The following NLRP5 variants were observed in gnomAD, a reference collection of about 807,000 sequenced individuals.
The protein encoded by NLRP5 is NACHT, LRR and PYD domains-containing protein 5.
A neutral mutation model predicts 113.1 loss-of-function variants in NLRP5; 93 were observed. The observed-to-expected ratio is 0.82, with a 90% CI of 0.70 to 0.98. NLRP5 has a LOEUF of 0.98. Among genes scored for constraint, NLRP5 ranks in the 50% least tolerant of loss-of-function variants. NLRP5 has a pLI of 0.00. For missense variants in NLRP5, 1,808 were observed against 1,514.3 expected (o/e 1.19, Z -3.22); for synonymous variants, 751 against 600.7 (o/e 1.25, Z -3.66).
At chr19:56,053,437 C>T (rs933628604) in intron 12 of NLRP5, among the ~76,000 whole-genome samples, 1 of 152,124 alleles carries the variant, frequency 6.6e-6, no homozygotes, top group African/African-American at 2.4e-5. Flanking sequence ...TTCAATCACA[C>T]CAGACACTTT....
chr19:55,993,182 C>T, the NLRP5 span, among the ~76,000 whole-genome samples: 1 of 151,756 alleles, frequency 6.6e-6, no homozygotes, highest in Admixed American at 6.6e-5. Flanking sequence ...TACAATGTAT[C>T]ATGATCAAAT....
At chr19:56,006,354 A>G (rs1261051103) in intron 2 of NLRP5, among the ~76,000 whole-genome samples, 2 of 152,192 alleles carry the variant, frequency 1.3e-5, no homozygotes, top group South Asian at 2.1e-4. Context: ...CAGCACACCA[A>G]CATAGCACAT....
At position 56,015,759 on chromosome 19, in the gene NLRP5, C is replaced by T; in HGVS notation, c.526C>T (p.Gln176Ter). 6.4e-7 allele frequency: 1 copy of T among 1,571,768 alleles called. No individual in the cohort carries two copies. The highest frequency in any genetic ancestry group is 1.2e-5 in the South Asian group (1 of 84,942). Residue 176 changes from glutamine (Q) to a stop codon, truncating the protein, a stop_gained, in exon 4 of 15, where the codon CAA becomes TAA. Transcript: ENST00000390649. LOFTEE classifies it high-confidence loss of function. ...TTTTGCAGGAATTTCACAAGCTGTG[C>T]AACAAGATAGTGCCACAGCTGCAGA... is the stretch of plus-strand genomic sequence containing the variant.
Position 56,007,594 on chromosome 19 carries a change from C to T in NLRP5, c.443-1194C>T, listed in dbSNP as rs562649335. Among the ~76,000 whole-genome samples, 4 of 150,956 alleles carry T rather than the reference C, an allele frequency of 2.6e-5. No individual in the cohort carries two copies. In the South Asian group the frequency reaches 8.3e-4, roughly 31 times the overall value. On this transcript the variant is annotated intron_variant, in intron 2 of 14. Transcript: ENST00000390649. ...TGAGCAGGAGGTGAAGACGGAGGGA[C>T]TAGAAGTCAGATAACATGGCATCTT...
chr19:56,038,958 G>T (rs1048129740), intron 10 of NLRP5, among the ~76,000 whole-genome samples: 1 of 152,140 alleles, frequency 6.6e-6, no homozygotes, highest in Non-Finnish European at 1.5e-5. Context: ...CTACAGGTGT[G>T]AGCCACCATG....
At chr19:56,020,860 C>G (rs895766278) in intron 6 of NLRP5, among the ~76,000 whole-genome samples, 2 of 149,342 alleles carry the variant, frequency 1.3e-5, no homozygotes, top group Non-Finnish European at 3.0e-5. Flanking sequence ...AAAAACATGT[C>G]TTGCCTTCGT....
At chr19:56,037,245 C>T (rs971175542) in intron 9 of NLRP5, among the ~76,000 whole-genome samples, 4 of 152,120 alleles carry the variant, frequency 2.6e-5, no homozygotes, top group African/African-American at 9.7e-5. Context: ...GAAGCTCGTG[C>T]CCTTCAGCAA....
rs926215671 is a variant in NLRP5, at chr19:56,021,026, C to A, written c.679+595C>A. Among the ~76,000 whole-genome samples the A allele has an allele frequency of 2.0e-5, 3 of 151,884 alleles. No homozygotes were observed. The South Asian group carries it at 6.2e-4, about 32-fold the overall frequency. On this transcript the variant is annotated intron_variant, in intron 6 of 14. Transcript: ENST00000390649. Reference sequence around the variant, plus strand: ...GTAGCTGGGATTACAGGCCTGCCACCATGCCCGACTAATTTTTGTATTTTT... The same window carrying A: ...GTAGCTGGGATTACAGGCCTGCCACAATGCCCGACTAATTTTTGTATTTTT...
intron 6 of NLRP5, among the ~76,000 whole-genome samples, chr19:56,022,072 G>T (rs1388967011): frequency 6.6e-6 from 1 of 152,168 alleles, no homozygotes; most frequent in Non-Finnish European, 1.5e-5. Context: ...ACTAATGGTT[G>T]CCAGTGTTGT....
chr19:56,046,365 A>C (rs932658345), intron 11 of NLRP5, among the ~76,000 whole-genome samples: 8 of 147,952 alleles, frequency 5.4e-5, no homozygotes, highest in African/African-American at 2.0e-4. Context: ...GGATTTTAGC[A>C]TCTATGTTCA....
At chr19:56,059,938 G>A (rs561120869) in intron 14 of NLRP5, among the ~76,000 whole-genome samples, 2 of 152,270 alleles carry the variant, frequency 1.3e-5, no homozygotes, top group South Asian at 4.1e-4. Context: ...ATGGCACATG[G>A]GTATAACCAG....
intron 13 of NLRP5, among the ~76,000 whole-genome samples, chr19:56,055,775 G>T (rs1371582804): frequency 6.6e-6 from 1 of 151,354 alleles, no homozygotes; most frequent in Non-Finnish European, 1.5e-5. Context: ...TCAATCTCCT[G>T]ACCTCATGAT....
chr19:56,019,514 T>A, intron 5 of NLRP5, 116 bp downstream of exon 5: 1 of 1,229,462 alleles, frequency 8.1e-7, no homozygotes, highest in South Asian at 1.4e-5. Flanking sequence ...TTCATTCTCA[T>A]TTGTCTCTGG....
chr19:56,046,779 G>A (rs1299412790), intron 11 of NLRP5, among the ~76,000 whole-genome samples: 3 of 152,090 alleles, frequency 2.0e-5, no homozygotes, highest in Non-Finnish European at 2.9e-5. Context: ...TGATCTGCCC[G>A]CCTCGGCCTC....
At chr19:56,018,884 C>T (rs1051127810) in intron 4 of NLRP5, 2 of 160,414 alleles carry the variant, frequency 1.2e-5, no homozygotes, top group African/African-American at 4.8e-5. Context: ...ACCTCTGCCT[C>T]CAAAGTTCAA....
At position 56,006,202 on chromosome 19, in the gene NLRP5, A is replaced by C. The variant is rs1981902666; in HGVS notation, c.442+2107A>C. On this transcript the variant is annotated intron_variant, in intron 2 of 14. Transcript: ENST00000390649. ...AGAAAACCAAACACCGCATGTTGTC[A>C]CTCATAGGTGGGAATTGAACAATGA... 2.6e-5 allele frequency among the ~76,000 whole-genome samples: 4 copies of C among 152,098 alleles called. No individual in the cohort carries two copies. The South Asian group carries it at 8.3e-4, about 32-fold the overall frequency.
At chr19:56,016,442 C>A (rs1490522629) in intron 4 of NLRP5, among the ~76,000 whole-genome samples, 1 of 152,138 alleles carries the variant, frequency 6.6e-6, no homozygotes, top group African/African-American at 2.4e-5. Flanking sequence ...CTTGAGCCAC[C>A]ACACCCAGCT....
intron 7 of NLRP5, among the ~76,000 whole-genome samples, chr19:56,029,516 T>C (rs2123308212): frequency 6.6e-6 from 1 of 152,176 alleles, no homozygotes; most frequent in South Asian, 2.1e-4. Context: ...GCCACCTGCC[T>C]TGGCCTCCCA....
rs1348598869 is a variant in NLRP5, at chr19:56,019,436, G to A, written c.622+38G>A. ...GATGTATTCCTTGGTTGCCCTCCTG[G>A]AAGAAAGTTGGGTGAAAGAAGTGTA... On this transcript the variant is annotated intron_variant, in intron 5 of 14. Transcript: ENST00000390649. 4 of 1,595,330 alleles carry A rather than the reference G, an allele frequency of 2.5e-6. No homozygotes were observed. The East Asian group carries it at 8.9e-5, about 36-fold the overall frequency.
Sources: allele counts gnomAD v4.1 joint callset (sites outside exome capture counted in the v4.1 genomes callset), GRCh38; gene constraint gnomAD v4.1.1; transcripts MANE v1.5; gene names NCBI Gene and HGNC (gene_info 2026-07-23, HGNC 2026-07-21).